Variants in TCERG1L observed in about 807,000 individuals in gnomAD.
The protein encoded by TCERG1L is transcription elongation regulator 1 like, also known as transcription elongation regulator 1-like protein.
Under a neutral mutation model 56.3 loss-of-function variants are expected in TCERG1L, and 37 were observed. The observed-to-expected ratio is 0.66, with a 90% CI of 0.51 to 0.87. TCERG1L has a LOEUF of 0.87. Ranked by LOEUF, TCERG1L falls within the 40% of genes least tolerant of loss-of-function variation. The pLI is 0.00. For missense variants in TCERG1L, 799 were observed against 774.2 expected (o/e 1.03, Z -0.38); for synonymous variants, 324 against 326.3 (o/e 0.99, Z 0.08).
chr10:131,204,153 T>C (rs1414060349), intron 4 of TCERG1L, among the ~76,000 whole-genome samples: 2 of 152,224 alleles, frequency 1.3e-5, no homozygotes, highest in Non-Finnish European at 2.9e-5. Context: ...CTTGGAAGCC[T>C]GGTGGCTTAG....
chr10:131,214,226 C>T (rs564918543), intron 4 of TCERG1L, among the ~76,000 whole-genome samples: 1 of 152,212 alleles, frequency 6.6e-6, no homozygotes, highest in Non-Finnish European at 1.5e-5. Flanking sequence ...CTTGTCCTAA[C>T]CTGGCTGCAG....
chr10:131,165,409 G>A (rs1315305968), intron 5 of TCERG1L, among the ~76,000 whole-genome samples: 1 of 152,190 alleles, frequency 6.6e-6, no homozygotes, highest in Non-Finnish European at 1.5e-5. Flanking sequence ...CACATGATTT[G>A]TAATGTATAT....
intron 4 of TCERG1L, among the ~76,000 whole-genome samples, chr10:131,232,115 T>C (rs1281513619): frequency 6.6e-6 from 1 of 152,262 alleles, no homozygotes; most frequent in Non-Finnish European, 1.5e-5. Context: ...TCAGGGCCAG[T>C]GGCATGTTAG....
chr10:131,159,558 G>A (rs893503), intron 6 of TCERG1L, among the ~76,000 whole-genome samples: 29,490 of 152,132 alleles, frequency 0.19, 3,579 homozygotes, highest in East Asian at 0.29. Flanking sequence ...TCCTGTCCCT[G>A]GAGCTCCCAG....
At chr10:131,257,323 TC>T (rs1846183686) in intron 4 of TCERG1L, among the ~76,000 whole-genome samples, 1 of 152,114 alleles carries the variant, frequency 6.6e-6, no homozygotes, top group South Asian at 2.1e-4. Flanking sequence ...GGACCAGCCT[TC>T]CCGCCCGTGC....
At chr10:131,170,442 CGA>C (rs1414260057) in intron 4 of TCERG1L, among the ~76,000 whole-genome samples, 4 of 152,016 alleles carry the variant, frequency 2.6e-5, no homozygotes, top group African/African-American at 9.7e-5. Context: ...TTCCGCCCTC[CGA>C]GAGAGGCACG....
At chr10:131,201,376 C>T (rs1025031696) in intron 4 of TCERG1L, among the ~76,000 whole-genome samples, 10 of 152,190 alleles carry the variant, frequency 6.6e-5, no homozygotes, top group South Asian at 4.2e-4. Flanking sequence ...CTGAGGCCAT[C>T]GAACATCCGC....
chr10:131,156,436 G>A (rs919097384), intron 6 of TCERG1L: 2 of 152,068 alleles, frequency 1.3e-5, no homozygotes, highest in Admixed American at 1.3e-4. Context: ...AAAATCAGGA[G>A]AGCCAAAGCA....
At chr10:131,150,098 A>C (rs1667602800) in intron 6 of TCERG1L, among the ~76,000 whole-genome samples, 2 of 149,406 alleles carry the variant, frequency 1.3e-5, no homozygotes, top group Middle Eastern at 3.4e-3. Context: ...CTAGCAACTT[A>C]AGACTTAAAA....
intron 6 of TCERG1L, 90 bp from the exon 7 acceptor site, chr10:131,146,750 A>G: frequency 7.0e-7 from 1 of 1,437,322 alleles, no homozygotes; most frequent in Non-Finnish European, 9.4e-7. Flanking sequence ...AAAGCCCCTC[A>G]GGACCGAAAT....
intron 3 of TCERG1L, among the ~76,000 whole-genome samples, chr10:131,287,958 C>T (rs936460065): frequency 3.3e-5 from 5 of 152,118 alleles, no homozygotes; most frequent in African/African-American, 4.8e-5. Flanking sequence ...CAATTTTAAA[C>T]GATAGACTAG....
At chr10:131,170,625 G>C (rs970262343) in intron 4 of TCERG1L, among the ~76,000 whole-genome samples, 2 of 152,112 alleles carry the variant, frequency 1.3e-5, no homozygotes, top group Admixed American at 1.3e-4. Flanking sequence ...AAAAGCCTGT[G>C]CTAAAAACTC....
intron 10 of TCERG1L, among the ~76,000 whole-genome samples, chr10:131,101,755 C>A (rs1845306298): frequency 6.6e-6 from 1 of 152,050 alleles, no homozygotes; most frequent in Non-Finnish European, 1.5e-5. Context: ...GGCTGGAGTG[C>A]AGTGGCGTGA....
intron 9 of TCERG1L, among the ~76,000 whole-genome samples, 157 bp downstream of exon 9, chr10:131,116,642 A>G (rs1390617819): frequency 1.3e-5 from 2 of 152,104 alleles, no homozygotes; most frequent in African/African-American, 4.8e-5. Context: ...CTGAACAGGA[A>G]CTCAGTAAGG....
chr10:131,308,473 G>A (rs1846839359), intron 2 of TCERG1L, 82 bp from the exon 3 acceptor site: 2 of 1,181,190 alleles, frequency 1.7e-6, no homozygotes, highest in East Asian at 2.4e-5. Flanking sequence ...TATTTGTGTT[G>A]CCTTACGTTG....
chr10:131,200,070 C>T (rs1408267539), intron 4 of TCERG1L, among the ~76,000 whole-genome samples: 5 of 152,230 alleles, frequency 3.3e-5, no homozygotes, highest in Non-Finnish European at 7.3e-5. Context: ...CCTCTGAGCT[C>T]TCACCAGGAT....
intron 6 of TCERG1L, among the ~76,000 whole-genome samples, chr10:131,158,394 A>G (rs1845945282): frequency 6.6e-6 from 1 of 152,238 alleles, no homozygotes; most frequent in Admixed American, 6.5e-5. Context: ...TGTCTTCTCA[A>G]ACACTCCATT....
chr10:131,209,882 T>A (rs1228410254), intron 4 of TCERG1L, among the ~76,000 whole-genome samples: 1 of 152,224 alleles, frequency 6.6e-6, no homozygotes, highest in Non-Finnish European at 1.5e-5. Flanking sequence ...TACTTTTTAA[T>A]ATATCAGAAT....
intron 11 of TCERG1L, chr10:131,095,904 A>T (rs1439853582): frequency 6.6e-6 from 1 of 152,130 alleles, no homozygotes; most frequent in Non-Finnish European, 1.5e-5. Context: ...TGCATTCCGA[A>T]TATTTTTTCC....
Sources: gnomAD v4.1 joint callset for allele counts (sites outside exome capture counted in the v4.1 genomes callset) on GRCh38, gnomAD v4.1.1 for gene constraint, MANE v1.5 for transcripts, NCBI Gene and HGNC (gene_info 2026-07-23, HGNC 2026-07-21) for gene names.